The following IMMP2L variants were observed in gnomAD, a reference collection of about 807,000 sequenced individuals.
IMMP2L encodes mitochondrial inner membrane protease subunit 2.
A neutral mutation model predicts 19.3 loss-of-function variants in IMMP2L; 18 were observed. That is an observed-to-expected ratio of 0.93 (90% CI 0.64 to 1.38). The LOEUF (loss-of-function observed/expected upper bound fraction) is 1.38. IMMP2L is among the 40% of genes most tolerant of loss of function. The pLI, the probability that IMMP2L is intolerant of heterozygous loss-of-function variation, is 0.00. For missense variants in IMMP2L, 233 were observed against 218.2 expected (o/e 1.07, Z -0.43); for synonymous variants, 76 against 73.0 (o/e 1.04, Z -0.21).
At chr7:111,194,780 T>C (rs991524645) in intron 3 of IMMP2L, among the ~76,000 whole-genome samples, 3 of 152,212 alleles carry the variant, frequency 2.0e-5, no homozygotes, top group Non-Finnish European at 4.4e-5. Flanking sequence ...GTAGGCATTA[T>C]ATCTAACCTT....
intron 4 of IMMP2L, among the ~76,000 whole-genome samples, chr7:110,918,745 C>T (rs1813919823): frequency 6.6e-6 from 1 of 152,058 alleles, no homozygotes; most frequent in Non-Finnish European, 1.5e-5. Context: ...TGAGCCACTG[C>T]ACCTGGCCCC....
chr7:111,176,519 C>A (rs913199087), intron 3 of IMMP2L, among the ~76,000 whole-genome samples: 4 of 151,544 alleles, frequency 2.6e-5, no homozygotes, highest in African/African-American at 9.7e-5. Context: ...AAGCCAGGCA[C>A]CAAAAGACAA....
intron 3 of IMMP2L, chr7:111,097,316 A>G (rs1392153092): frequency 6.6e-6 from 1 of 151,908 alleles, no homozygotes; most frequent in African/African-American, 2.4e-5. Context: ...CACAACACTT[A>G]CAAGTGACAT....
chr7:110,918,484 T>C (rs1813881026), intron 4 of IMMP2L, among the ~76,000 whole-genome samples: 1 of 151,020 alleles, frequency 6.6e-6, no homozygotes, highest in Non-Finnish European at 1.5e-5. Context: ...AAATGGAGTT[T>C]CACTCTTGTT....
intron 5 of IMMP2L, among the ~76,000 whole-genome samples, chr7:110,825,880 C>T (rs868485359): frequency 2.1e-4 from 32 of 152,076 alleles, no homozygotes; most frequent in South Asian, 6.2e-4. Flanking sequence ...CAAAAGAAAC[C>T]ACCATCAGAG....
chr7:110,889,293 T>C (rs1585152346), intron 4 of IMMP2L, among the ~76,000 whole-genome samples: 2 of 152,192 alleles, frequency 1.3e-5, no homozygotes, highest in African/African-American at 4.8e-5. Context: ...GAATCAATTA[T>C]ACAACTCACT....
At chr7:111,499,973 A>T (rs1844010233) in intron 2 of IMMP2L, among the ~76,000 whole-genome samples, 1 of 152,170 alleles carries the variant, frequency 6.6e-6, no homozygotes, top group East Asian at 1.9e-4. Context: ...CAGTGGGTGC[A>T]GAGCACCAGG....
At position 111,556,014 on chromosome 7, in the gene IMMP2L, G is replaced by GTGTATATATATATATATATATATA; in HGVS notation, c.-3+5836_-3+5837insTATATATATATATATATATATACA. Reference sequence around the variant, plus strand: ...CCAATTAGCCATCCCTCTTCTGTGTGCATGTATATATATATATATATACAT... The same window carrying GTGTATATATATATATATATATATA: ...CCAATTAGCCATCCCTCTTCTGTGTGTGTATATATATATATATATATATACATGTATATATATATATATATACAT... On this transcript the variant is annotated intron_variant, in intron 1 of 5. Transcript: ENST00000405709. 2.6e-5 allele frequency among the ~76,000 whole-genome samples: 3 copies of GTGTATATATATATATATATATATA among 114,570 alleles called. 1 individual carries two copies. The highest frequency in any genetic ancestry group is 2.9e-4 in the East Asian group (1 of 3,500). 75.2% of individuals were successfully genotyped at this position (114,570 alleles called of 152,430 possible).
intron 5 of IMMP2L, among the ~76,000 whole-genome samples, chr7:110,772,870 T>C (rs1220588879): frequency 1.3e-5 from 2 of 152,084 alleles, no homozygotes; most frequent in African/African-American, 4.8e-5. Context: ...AAGGACCAAG[T>C]GCAGTAAATG....
intron 5 of IMMP2L, among the ~76,000 whole-genome samples, chr7:110,875,200 G>C (rs799633): frequency 0.17 from 25,197 of 152,094 alleles, 4,374 homozygotes; most frequent in African/African-American, 0.44. Context: ...GATGAATGAC[G>C]TTTAAAATAG....
intron 3 of IMMP2L, among the ~76,000 whole-genome samples, chr7:111,153,600 C>T (rs1203300976): frequency 1.3e-5 from 2 of 151,972 alleles, no homozygotes; most frequent in African/African-American, 4.8e-5. Context: ...TTTTTCTTTA[C>T]TTATACTGTA....
intron 3 of IMMP2L, among the ~76,000 whole-genome samples, chr7:111,082,920 C>G (rs1216548169): frequency 6.6e-6 from 1 of 150,760 alleles, no homozygotes; most frequent in African/African-American, 2.4e-5. Context: ...CATTTCCTTA[C>G]CTTAAAAACC....
chr7:111,049,483 T>C (rs1208677118), intron 3 of IMMP2L, among the ~76,000 whole-genome samples: 1 of 152,174 alleles, frequency 6.6e-6, no homozygotes, highest in Non-Finnish European at 1.5e-5. Context: ...CTTCAGCCTA[T>C]AGCTAAGTGA....
chr7:111,064,423 AATACTTT>A (rs1323947498), intron 3 of IMMP2L, among the ~76,000 whole-genome samples: 1 of 152,162 alleles, frequency 6.6e-6, no homozygotes, highest in Non-Finnish European at 1.5e-5. Context: ...ACTAGGTGAT[AATACTTT>A]GCAGGGCTGG....
intron 3 of IMMP2L, among the ~76,000 whole-genome samples, chr7:111,148,322 G>A (rs1358158867): frequency 2.6e-5 from 4 of 152,042 alleles, no homozygotes. Flanking sequence ...TATAGAAACA[G>A]AAAGTAGAAG....
intron 3 of IMMP2L, among the ~76,000 whole-genome samples, chr7:111,051,016 T>A (rs928709859): frequency 6.6e-6 from 1 of 152,154 alleles, no homozygotes; most frequent in African/African-American, 2.4e-5. Context: ...ATATTCAGCA[T>A]CCTACATAAG....
chr7:110,986,102 G>A (rs1037906347), intron 3 of IMMP2L, among the ~76,000 whole-genome samples: 1 of 152,112 alleles, frequency 6.6e-6, no homozygotes, highest in Non-Finnish European at 1.5e-5. Context: ...CAACATAGAT[G>A]TGCGTTGGCA....
chr7:110,867,544 T>C (rs2129543462), intron 5 of IMMP2L, among the ~76,000 whole-genome samples: 1 of 152,164 alleles, frequency 6.6e-6, no homozygotes, highest in Middle Eastern at 3.4e-3. Context: ...TCTTTATGTA[T>C]GTGGGGACCT....
chr7:111,085,938 A>G (rs1796284865), intron 3 of IMMP2L, among the ~76,000 whole-genome samples: 1 of 152,170 alleles, frequency 6.6e-6, no homozygotes, highest in Admixed American at 6.5e-5. Context: ...CTAAGTGATG[A>G]AAAATCAACA....
Sources: gnomAD v4.1 joint callset for allele counts (sites outside exome capture counted in the v4.1 genomes callset) on GRCh38, gnomAD v4.1.1 for gene constraint, MANE v1.5 for transcripts, NCBI Gene and HGNC (gene_info 2026-07-23, HGNC 2026-07-21) for gene names.